SEMA6A: variants seen among roughly 807,000 people sequenced by gnomAD.
SEMA6A encodes the protein semaphorin 6A.
A neutral mutation model predicts 96.8 loss-of-function variants in SEMA6A; 25 were observed. The observed-to-expected ratio is 0.26, with a 90% CI of 0.19 to 0.36. The LOEUF (loss-of-function observed/expected upper bound fraction) is 0.36, where lower values mean the gene tolerates loss of function less well. Among genes scored for constraint, SEMA6A ranks in the 10% least tolerant of loss-of-function variants. The pLI, the probability that SEMA6A is intolerant of heterozygous loss-of-function variation, is 1.00. For missense variants in SEMA6A, 1,363 were observed against 1,323.1 expected (o/e 1.03, Z -0.47); for synonymous variants, 612 against 518.0 (o/e 1.18, Z -2.46).
chr5:116,495,832 T>C, intron 5 of SEMA6A: 1 of 359,694 alleles, frequency 2.8e-6, no homozygotes, highest in Non-Finnish European at 5.1e-6. Context: ...TTCCCTGATG[T>C]ACAAAGCTGC....
intron 1 of SEMA6A, among the ~76,000 whole-genome samples, chr5:116,539,998 A>G (rs1561526149): frequency 6.6e-6 from 1 of 151,722 alleles, no homozygotes; most frequent in Non-Finnish European, 1.5e-5. Flanking sequence ...TCATCTCACT[A>G]TTTTCTGTTC....
intron 12 of SEMA6A, among the ~76,000 whole-genome samples, chr5:116,479,544 TG>T (rs1415080488): frequency 6.6e-6 from 1 of 152,214 alleles, no homozygotes; most frequent in Non-Finnish European, 1.5e-5. Flanking sequence ...GGATGGTACT[TG>T]GGAAAGCCTG....
chr5:116,507,535 T>C (rs1758202653), intron 1 of SEMA6A, among the ~76,000 whole-genome samples: 1 of 152,132 alleles, frequency 6.6e-6, no homozygotes. Context: ...TTTATAAACC[T>C]TGAGTGAGCA....
intron 1 of SEMA6A, among the ~76,000 whole-genome samples, chr5:116,519,040 G>T (rs566721154): frequency 6.6e-6 from 1 of 152,164 alleles, no homozygotes; most frequent in East Asian, 1.9e-4. Context: ...TGCAAGAATA[G>T]GCAGATGTGT....
At chr5:116,572,996 C>G (rs543917412) in intron 1 of SEMA6A, among the ~76,000 whole-genome samples, 47 of 152,312 alleles carry the variant, frequency 3.1e-4, no homozygotes, top group African/African-American at 1.1e-3. Flanking sequence ...CCGACGTCCA[C>G]AAGCCCGGGA....
chr5:116,446,349 T>C lies in SEMA6A; in HGVS notation c.*264A>G. On this transcript the variant is annotated 3_prime_UTR_variant, in exon 19 of 19. Coordinates refer to ENST00000343348, the MANE Select transcript of SEMA6A (RefSeq NM_020796.5). Reference sequence around the variant, plus strand: ...TGTTTGTGATGATAACTGAAGTCTTTTGTGGGTCCGACCTGTTGTAGGGTG... The same window carrying C: ...TGTTTGTGATGATAACTGAAGTCTTCTGTGGGTCCGACCTGTTGTAGGGTG... The C allele has an allele frequency of 5.7e-6, 2 of 351,884 alleles. No homozygotes were observed. Among genetic ancestry groups the C allele is most frequent in the Non-Finnish European group, 5.1e-6 (1 of 194,616 alleles). 21.8% of individuals were successfully genotyped at this position (351,884 alleles called of 1,614,324 possible). A position where few individuals can be genotyped will look rare whatever the true frequency, so the allele number is the denominator to read the frequency against.
intron 18 of SEMA6A, among the ~76,000 whole-genome samples, chr5:116,458,000 A>G (rs747941331): frequency 1.3e-5 from 2 of 152,156 alleles, no homozygotes; most frequent in Non-Finnish European, 2.9e-5. Context: ...AAGAGAAGCT[A>G]TTCTCAGGAA....
chr5:116,548,282 A>G (rs1408975441), intron 1 of SEMA6A, among the ~76,000 whole-genome samples: 1 of 151,138 alleles, frequency 6.6e-6, no homozygotes, highest in Non-Finnish European at 1.5e-5. Context: ...GCCATGCCCA[A>G]GGTGGCTGAA....
At chr5:116,522,436 A>C (rs1759001672) in intron 1 of SEMA6A, among the ~76,000 whole-genome samples, 1 of 152,180 alleles carries the variant, frequency 6.6e-6, no homozygotes, top group African/African-American at 2.4e-5. Flanking sequence ...GGAATACAGG[A>C]TGCGGGTGAG....
At chr5:116,498,065 G>A (rs373640849) in intron 3 of SEMA6A, among the ~76,000 whole-genome samples, 1 of 152,154 alleles carries the variant, frequency 6.6e-6, no homozygotes, top group African/African-American at 2.4e-5. Flanking sequence ...GCCTTGGAAG[G>A]GGAGAAAGAG....
chr5:116,493,420 A>G (rs972553121), intron 6 of SEMA6A, among the ~76,000 whole-genome samples: 4 of 152,128 alleles, frequency 2.6e-5, no homozygotes, highest in Non-Finnish European at 5.9e-5. Context: ...TCTATTATAA[A>G]CTGATGAATC....
chr5:116,562,310 A>T (rs1196586380), intron 1 of SEMA6A, among the ~76,000 whole-genome samples: 4 of 152,234 alleles, frequency 2.6e-5, no homozygotes, highest in Non-Finnish European at 5.9e-5. Flanking sequence ...TAGATGGGTT[A>T]TATGCTATTA....
intron 3 of SEMA6A, chr5:116,498,434 G>A (rs1055604039): frequency 6.6e-6 from 1 of 152,126 alleles, no homozygotes; most frequent in Non-Finnish European, 1.5e-5. Context: ...TTCAGTTCAT[G>A]GGAAATCTGT....
intron 1 of SEMA6A, among the ~76,000 whole-genome samples, chr5:116,526,131 TC>T (rs1561517386): frequency 1.3e-5 from 2 of 150,850 alleles, no homozygotes; most frequent in South Asian, 2.1e-4. Flanking sequence ...CTTTGCCTTT[TC>T]CCCCCTTCTT....
chr5:116,554,409 C>G (rs1252821211), intron 1 of SEMA6A, among the ~76,000 whole-genome samples: 1 of 152,186 alleles, frequency 6.6e-6, no homozygotes, highest in Admixed American at 6.5e-5. Context: ...CAGTTTGCCC[C>G]TGAAATATCC....
intron 1 of SEMA6A, among the ~76,000 whole-genome samples, chr5:116,537,431 G>A (rs918241724): frequency 9.2e-5 from 14 of 152,102 alleles, no homozygotes; most frequent in Admixed American, 5.9e-4. Context: ...CAGTGTTGAG[G>A]GGTCTGTGGA....
intron 1 of SEMA6A, among the ~76,000 whole-genome samples, chr5:116,547,927 A>G (rs375598487): frequency 5.4e-4 from 82 of 152,276 alleles, no homozygotes; most frequent in African/African-American, 1.6e-3. Context: ...AATTAATGCC[A>G]TCTCCAAAAG....
chr5:116,494,030 A>T lies in SEMA6A; in HGVS notation c.444+1383T>A, dbSNP rs557353978. Among the ~76,000 whole-genome samples the T allele has an allele frequency of 5.4e-4, 82 of 152,214 alleles. No homozygotes were observed. In the South Asian group the frequency reaches 0.017, roughly 32 times the overall value. On this transcript the variant is annotated intron_variant, in intron 6 of 18. Coordinates refer to ENST00000343348, the MANE Select transcript of SEMA6A (RefSeq NM_020796.5). ...TGGCAGCCCCATCCATCTACTCGCC[A>T]AGAGATGGCCTAGCAGTCATTCTTG...
At chr5:116,449,341 T>A (rs1010215335) in intron 18 of SEMA6A, 1 of 702,464 alleles carries the variant, frequency 1.4e-6, no homozygotes, top group Non-Finnish European at 2.6e-6. Flanking sequence ...GGAGACGCAT[T>A]TTTCATCTAC....
Sources: gnomAD v4.1 joint callset for allele counts (sites outside exome capture counted in the v4.1 genomes callset) on GRCh38, gnomAD v4.1.1 for gene constraint, MANE v1.5 for transcripts, NCBI Gene and HGNC (gene_info 2026-07-23, HGNC 2026-07-21) for gene names.